The following RABGAP1L variants were observed in gnomAD, a reference collection of about 807,000 sequenced individuals.
The protein encoded by RABGAP1L is RAB GTPase activating protein 1 like, also known as rab GTPase-activating protein 1-like.
A neutral mutation model predicts 137.7 loss-of-function variants in RABGAP1L; 63 were observed. That is an observed-to-expected ratio of 0.46 (90% confidence interval 0.37 to 0.56). The LOEUF (loss-of-function observed/expected upper bound fraction) is 0.56, where lower values mean the gene tolerates loss of function less well. Among genes scored for constraint, RABGAP1L ranks in the 20% least tolerant of loss-of-function variants. RABGAP1L has a pLI of 0.00. For missense variants in RABGAP1L, 1,095 were observed against 1,244.0 expected (o/e 0.88, Z 1.80); for synonymous variants, 431 against 433.7 (o/e 0.99, Z 0.08).
intron 13 of RABGAP1L, among the ~76,000 whole-genome samples, chr1:174,478,488 G>C (rs768350120): frequency 5.3e-5 from 8 of 151,872 alleles, no homozygotes; most frequent in Non-Finnish European, 1.2e-4. Context: ...TGTTGCCCAG[G>C]CTAATCTTGA....
Position 174,969,330 on chromosome 1 carries a change from T to A in RABGAP1L, c.2487T>A (p.Asp829Glu). 1 of 1,550,838 alleles carries A rather than the reference T, an allele frequency of 6.4e-7. No homozygotes were observed. The highest frequency in any genetic ancestry group is 8.7e-7 in the Non-Finnish European group (1 of 1,147,006). The change falls in exon 21 of 26, where the codon GAT (aspartate) becomes GAA (glutamate). Residue 829 changes from aspartate (D) to glutamate (E), a missense_variant. Transcript: ENST00000681986. ...EASMRLEQEN[D>E]DLAHELVTSK... ...GCATGAGGTTGGAACAAGAGAATGA[T>A]GACCTTGCCCATGAACTAGTAACAA...
intron 13 of RABGAP1L, among the ~76,000 whole-genome samples, chr1:174,611,448 G>T (rs1293239603): frequency 1.3e-5 from 2 of 150,788 alleles, no homozygotes; most frequent in African/African-American, 2.5e-5. Context: ...ATGCTGTTTT[G>T]GTTACTGTAG....
intron 13 of RABGAP1L, among the ~76,000 whole-genome samples, chr1:174,526,288 G>C (rs1558308782): frequency 6.6e-6 from 1 of 151,944 alleles, no homozygotes; most frequent in African/African-American, 2.4e-5. Context: ...TTGACCTATA[G>C]TTTTTTGTTG....
intron 11 of RABGAP1L, among the ~76,000 whole-genome samples, chr1:174,364,321 C>G (rs1385814672): frequency 8.6e-6 from 1 of 116,018 alleles, no homozygotes; most frequent in Non-Finnish European, 1.6e-5. Flanking sequence ...GTGGCGGGAT[C>G]TCGGCTCACT....
chr1:174,780,606 A>G (rs1686909645), intron 18 of RABGAP1L, among the ~76,000 whole-genome samples: 1 of 152,062 alleles, frequency 6.6e-6, no homozygotes, highest in African/African-American at 2.4e-5. Flanking sequence ...TCTAGGGTAC[A>G]TGTGCACAAC....
intron 13 of RABGAP1L, among the ~76,000 whole-genome samples, chr1:174,608,168 A>C (rs1300377925): frequency 6.6e-6 from 1 of 152,190 alleles, no homozygotes; most frequent in African/African-American, 2.4e-5. Flanking sequence ...CCTAAGTGTG[A>C]GGCATGACTC....
At chr1:174,283,541 T>C (rs969298154) in intron 10 of RABGAP1L, among the ~76,000 whole-genome samples, 2 of 151,900 alleles carry the variant, frequency 1.3e-5, no homozygotes, top group Admixed American at 6.6e-5. Flanking sequence ...GAGTCTCAAC[T>C]TGTTGCCCAG....
chr1:174,272,349 T>G (rs1010522284), intron 7 of RABGAP1L, 65 bp from the exon 8 acceptor site: 1 of 1,526,814 alleles, frequency 6.5e-7, no homozygotes, highest in African/African-American at 1.4e-5. Flanking sequence ...AAAGGCTTTA[T>G]GCTCACTGGG....
At chr1:174,554,475 G>A (rs1490981008) in intron 13 of RABGAP1L, among the ~76,000 whole-genome samples, 1 of 151,992 alleles carries the variant, frequency 6.6e-6, no homozygotes, top group Non-Finnish European at 1.5e-5. Context: ...GTGTCCCCTT[G>A]GCATTTGTAA....
chr1:174,487,093 T>C (rs1414007068), intron 13 of RABGAP1L, among the ~76,000 whole-genome samples: 1 of 152,196 alleles, frequency 6.6e-6, no homozygotes, highest in Non-Finnish European at 1.5e-5. Context: ...GAAGGTGTAT[T>C]CTTCAACTGT....
At chr1:174,933,569 A>G (rs903235533) in intron 19 of RABGAP1L, among the ~76,000 whole-genome samples, 3 of 152,188 alleles carry the variant, frequency 2.0e-5, no homozygotes, top group Admixed American at 6.5e-5. Context: ...CTCTAGACTC[A>G]GAACATCAGC....
intron 13 of RABGAP1L, among the ~76,000 whole-genome samples, chr1:174,444,411 A>G (rs939670356): frequency 2.0e-5 from 3 of 151,588 alleles, no homozygotes; most frequent in African/African-American, 7.3e-5. Flanking sequence ...TTTTTGTTGT[A>G]TGTGTCCATG....
rs1266653995 is a variant in RABGAP1L, at chr1:174,420,711, G to A, written c.1710+26566G>A. 1.2e-4 allele frequency among the ~76,000 whole-genome samples: 16 copies of A among 138,690 alleles called. No individual in the cohort carries two copies. In the East Asian group the frequency reaches 3.0e-3, roughly 26 times the overall value. The allele number at this position is 138,690 out of a possible 152,430, so 91.0% of individuals were successfully genotyped here. A position where few individuals can be genotyped will look rare whatever the true frequency, so the allele number is the denominator to read the frequency against. On this transcript the variant is annotated intron_variant, in intron 13 of 25. Transcript: ENST00000681986. ...TTTTTTTGAGACGGAGTCTTGCTCT[G>A]TCACCCAGGCTGGAGTGCAGTGGCG...
At chr1:174,326,623 A>G (rs957237586) in intron 11 of RABGAP1L, among the ~76,000 whole-genome samples, 2 of 152,180 alleles carry the variant, frequency 1.3e-5, no homozygotes, top group Non-Finnish European at 2.9e-5. Context: ...GAGTAGGGGA[A>G]GGGGATAGAA....
At chr1:174,612,913 C>T (rs1464245389) in intron 13 of RABGAP1L, among the ~76,000 whole-genome samples, 1 of 151,626 alleles carries the variant, frequency 6.6e-6, no homozygotes, top group Non-Finnish European at 1.5e-5. Context: ...TCCCCTTTAT[C>T]ATTTTTTATT....
chr1:174,963,716 A>G (rs1484051212), intron 20 of RABGAP1L, among the ~76,000 whole-genome samples: 1 of 151,944 alleles, frequency 6.6e-6, no homozygotes, highest in East Asian at 1.9e-4. Context: ...TTGTAAACCA[A>G]GTTTTATTGG....
intron 13 of RABGAP1L, among the ~76,000 whole-genome samples, chr1:174,501,560 A>G (rs1018047920): frequency 2.0e-5 from 3 of 152,128 alleles, no homozygotes; most frequent in Admixed American, 2.0e-4. Context: ...TGCATCACTG[A>G]TGGGCATTTA....
intron 13 of RABGAP1L, among the ~76,000 whole-genome samples, chr1:174,437,732 C>A (rs1031073746): frequency 6.6e-6 from 1 of 152,116 alleles, no homozygotes; most frequent in Non-Finnish European, 1.5e-5. Context: ...CACAAAGATA[C>A]TCCTCGAGAA....
At chr1:174,567,235 C>G (rs1383094605) in intron 13 of RABGAP1L, among the ~76,000 whole-genome samples, 2 of 152,094 alleles carry the variant, frequency 1.3e-5, no homozygotes, top group South Asian at 4.1e-4. Context: ...TATGAATTTG[C>G]CTATTCTAAG....
Sources: gnomAD v4.1 joint callset for allele counts (sites outside exome capture counted in the v4.1 genomes callset) on GRCh38, gnomAD v4.1.1 for gene constraint, MANE v1.5 for transcripts, NCBI Gene and HGNC (gene_info 2026-07-23, HGNC 2026-07-21) for gene names.